CSMD2: variants seen among roughly 807,000 people sequenced by gnomAD.
The protein encoded by CSMD2 is CUB and Sushi multiple domains 2.
In CSMD2, 130 loss-of-function variants were observed where a neutral mutation model predicts 398.5. The observed-to-expected ratio is 0.33, with a 90% CI of 0.28 to 0.38. The LOEUF is 0.38. Among genes scored for constraint, CSMD2 ranks in the 10% least tolerant of loss-of-function variants. The pLI is 1.00. For missense variants in CSMD2, 3,829 were observed against 4,764.9 expected, an observed-to-expected ratio of 0.80 and a Z score of 5.78; for synonymous variants, 1,828 against 1,908.5, an observed-to-expected ratio of 0.96 and a Z score of 1.10.
chr1:33,805,151 T>C (rs1408931629), intron 10 of CSMD2, among the ~76,000 whole-genome samples: 1 of 152,212 alleles, frequency 6.6e-6, no homozygotes, highest in Admixed American at 6.5e-5. Context: ...AATTGTTTCT[T>C]AGAAAATCCT....
intron 26 of CSMD2, among the ~76,000 whole-genome samples, chr1:33,660,590 C>T (rs74066680): frequency 3.2e-3 from 492 of 152,316 alleles, no homozygotes; most frequent in African/African-American, 0.011. Flanking sequence ...CTGATGACAG[C>T]AACAGGGAAG....
intron 64 of CSMD2, among the ~76,000 whole-genome samples, chr1:33,530,556 T>C (rs1234992900): frequency 6.6e-6 from 1 of 152,136 alleles, no homozygotes; most frequent in African/African-American, 2.4e-5. Context: ...AAATTAAAAA[T>C]AGAACTACCA....
intron 2 of CSMD2, among the ~76,000 whole-genome samples, chr1:34,048,637 C>T (rs1043320415): frequency 1.3e-5 from 2 of 152,186 alleles, no homozygotes; most frequent in Non-Finnish European, 2.9e-5. Flanking sequence ...GGGTCTTCTC[C>T]TTACCTGCTC....
intron 1 of CSMD2, among the ~76,000 whole-genome samples, chr1:34,156,090 T>G (rs186994211): frequency 6.6e-6 from 1 of 152,140 alleles, no homozygotes; most frequent in African/African-American, 2.4e-5. Flanking sequence ...GCCACATAGG[T>G]CCCTGGCAGG....
intron 25 of CSMD2, among the ~76,000 whole-genome samples, chr1:33,667,950 C>A (rs916737843): frequency 2.0e-5 from 3 of 152,104 alleles, no homozygotes; most frequent in Non-Finnish European, 4.4e-5. Flanking sequence ...ACCCCCCAGA[C>A]ACAAACTCAC....
intron 2 of CSMD2, among the ~76,000 whole-genome samples, chr1:34,078,808 T>C (rs921854613): frequency 6.6e-6 from 1 of 152,202 alleles, no homozygotes; most frequent in African/African-American, 2.4e-5. Context: ...CACATTTCAC[T>C]GGAGACTGAA....
chr1:33,594,047 A>G (rs1363611485), intron 44 of CSMD2, among the ~76,000 whole-genome samples: 2 of 152,198 alleles, frequency 1.3e-5, no homozygotes, highest in African/African-American at 2.4e-5. Flanking sequence ...TTATTAATAT[A>G]AAATAATTAT....
rs1432559013 is a variant in CSMD2 at position 33,979,048 on chromosome 1, T to C, written c.518-43094A>G. 4.6e-5 allele frequency among the ~76,000 whole-genome samples: 7 copies of C among 152,274 alleles called. No homozygotes were observed. In the Middle Eastern group the frequency reaches 0.01, roughly 222 times the overall value. On this transcript the variant is annotated intron_variant, in intron 3 of 70. Transcript: ENST00000373381. ...CCACCCTCCCATCATTGCAGGTACA[T>C]ATACCTTTCTGGAAGCTCCTGGACT...
chr1:33,816,382 A>T (rs375678370), intron 9 of CSMD2, among the ~76,000 whole-genome samples: 24 of 152,192 alleles, frequency 1.6e-4, no homozygotes, highest in East Asian at 1.2e-3. Flanking sequence ...TCCTCTCACT[A>T]TACCAGTGGT....
At chr1:33,975,372 T>C (rs1231147752) in intron 3 of CSMD2, among the ~76,000 whole-genome samples, 1 of 152,030 alleles carries the variant, frequency 6.6e-6, no homozygotes, top group African/African-American at 2.4e-5. Flanking sequence ...CACTGCTATA[T>C]CCCCAGTGCC....
At chr1:33,921,301 A>G (rs1643929096) in intron 4 of CSMD2, among the ~76,000 whole-genome samples, 1 of 152,182 alleles carries the variant, frequency 6.6e-6, no homozygotes, top group Non-Finnish European at 1.5e-5. Context: ...TGCCTTGAGT[A>G]TCTCTCTGGC....
chr1:33,683,864 CT>C (rs1644981900), intron 25 of CSMD2, among the ~76,000 whole-genome samples: 1 of 152,198 alleles, frequency 6.6e-6, no homozygotes, highest in Non-Finnish European at 1.5e-5. Flanking sequence ...TGTTCAGTTC[CT>C]TTAGGAGATC....
intron 3 of CSMD2, among the ~76,000 whole-genome samples, chr1:33,972,462 T>A (rs78212489): frequency 0.08 from 12,191 of 152,132 alleles, 934 homozygotes; most frequent in East Asian, 0.37. Context: ...CAGATGTCAT[T>A]AAGTTAAGGA....
chr1:33,896,438 G>A (rs572428460), intron 5 of CSMD2, among the ~76,000 whole-genome samples: 5 of 152,314 alleles, frequency 3.3e-5, no homozygotes, highest in Non-Finnish European at 2.9e-5. Context: ...AAACCAGGTA[G>A]AGAGATATAA....
At chr1:34,087,617 TAATAATAATA>T (rs1658041253) in intron 2 of CSMD2, among the ~76,000 whole-genome samples, 2 of 93,786 alleles carry the variant, frequency 2.1e-5, no homozygotes, top group Admixed American at 2.1e-4. Context: ...TAAAGTATAA[TAATAATAATA>T]ATAATAATAA....
chr1:33,792,191 G>C (rs1654405344), intron 11 of CSMD2, among the ~76,000 whole-genome samples: 1 of 152,158 alleles, frequency 6.6e-6, no homozygotes, highest in Non-Finnish European at 1.5e-5. Flanking sequence ...CCCCCTAACA[G>C]ACTGCTCATT....
At chr1:33,924,977 T>C (rs1644074440) in intron 4 of CSMD2, among the ~76,000 whole-genome samples, 1 of 152,200 alleles carries the variant, frequency 6.6e-6, no homozygotes. Flanking sequence ...AGCTTGCAAA[T>C]ATTTTCTCGT....
intron 1 of CSMD2, among the ~76,000 whole-genome samples, chr1:34,120,263 CA>C (rs1662038851): frequency 1.3e-5 from 2 of 151,684 alleles, no homozygotes; most frequent in Non-Finnish European, 2.9e-5. Flanking sequence ...CTCTCAGAAA[CA>C]GAAATTAAGA....
intron 15 of CSMD2, among the ~76,000 whole-genome samples, chr1:33,729,668 G>T (rs1646658791): frequency 6.6e-6 from 1 of 151,264 alleles, no homozygotes; most frequent in Non-Finnish European, 1.5e-5. Context: ...GTGTGATGTT[G>T]GAGGGGAGGA....
Sources: allele counts gnomAD v4.1 joint callset (sites outside exome capture counted in the v4.1 genomes callset), GRCh38; gene constraint gnomAD v4.1.1; transcripts MANE v1.5; gene names NCBI Gene and HGNC (gene_info 2026-07-23, HGNC 2026-07-21).